Variants in UTP20 observed in about 807,000 individuals in gnomAD.
UTP20 encodes UTP20 small subunit processome component.
A neutral mutation model predicts 329.5 loss-of-function variants in UTP20; 164 were observed. The ratio of observed to expected loss-of-function variants is 0.50; its 90% CI spans 0.44 to 0.57. The LOEUF (loss-of-function observed/expected upper bound fraction) is 0.57, where lower values mean the gene tolerates loss of function less well. Among genes scored for constraint, UTP20 ranks in the 20% least tolerant of loss-of-function variants. The probability of loss-of-function intolerance (pLI) is 0.00; values close to 1 mark genes in which losing one functional copy is unlikely to be tolerated. For synonymous variants in UTP20, 1,151 were observed against 1,159.3 expected (o/e 0.99, Z 0.14); for missense variants, 3,055 against 3,284.2 (o/e 0.93, Z 1.71).
intron 41 of UTP20, among the ~76,000 whole-genome samples, chr12:101,355,895 GT>G (rs1869702905): frequency 6.6e-6 from 1 of 151,990 alleles, no homozygotes; most frequent in South Asian, 2.1e-4. Context: ...ACAGTTGACA[GT>G]TCCCACCGAC....
At chr12:101,371,563 ACT>A (rs1870291949) in intron 51 of UTP20, among the ~76,000 whole-genome samples, 1 of 114,792 alleles carries the variant, frequency 8.7e-6, no homozygotes, top group African/African-American at 3.6e-5. Flanking sequence ...ACGGAGTCTC[ACT>A]CTGTCACCAG....
intron 8 of UTP20, 43 bp downstream of exon 8, chr12:101,290,931 A>C (rs374060315): frequency 1.3e-5 from 20 of 1,577,510 alleles, no homozygotes; most frequent in Non-Finnish European, 1.7e-5. Context: ...TAAGGAGTCT[A>C]AGAATTTACT....
In UTP20 at chr12:101,356,688, G is replaced by C; in HGVS notation, c.5529G>C (p.Leu1843=). ...CACAAGAAGTTATGGAAGCTAATCT[G>C]CCAAGGTATGTTTTTTAACAAATTA... ...SLPQEVMEAN[L]PSILLKVCAL... The change falls in exon 42 of 62, where the codon CTG becomes CTC. Residue 1843 remains leucine, a synonymous_variant. Transcript: ENST00000261637. The C allele has an allele frequency of 1.2e-6, 2 of 1,605,374 alleles. No individual in the cohort carries two copies. Among genetic ancestry groups the C allele is most frequent in the Non-Finnish European group, 1.7e-6 (2 of 1,177,944 alleles).
rs111400774 is a variant in UTP20 at position 101,383,044 on chromosome 12, G to T, written c.7660G>T (p.Val2554Phe). ...CCCACCCCGTTTTTTTTTAAAGGTT[G>T]TTAAGAATTTGTTGTTCGCAGCCAA... Reference protein sequence around the residue: ...FLDQSLGEQVVKNLLFAAKVL... With the variant: ...FLDQSLGEQVFKNLLFAAKVL... Residue 2554 changes from valine (V) to phenylalanine (F), a missense_variant, in exon 59 of 62, where the codon GTT (valine) becomes TTT (phenylalanine). Transcript: ENST00000261637. The T allele has an allele frequency of 6.3e-7, 1 of 1,587,502 alleles. No homozygotes were observed. The highest frequency in any genetic ancestry group is 1.9e-5 in the Admixed American group (1 of 53,366).
intron 17 of UTP20, 33 bp from the exon 18 acceptor site, chr12:101,308,152 T>C (rs7975348): frequency 0.47 from 695,287 of 1,463,926 alleles, 178,570 homozygotes; most frequent in East Asian, 0.95. Flanking sequence ...AAATACTGAC[T>C]GGTCTTCTCC....
chr12:101,328,868 CA>C (rs34117186), intron 26 of UTP20, among the ~76,000 whole-genome samples: 42,502 of 106,048 alleles, frequency 0.4, 6,059 homozygotes, highest in Middle Eastern at 0.56. Context: ...GACTCTGTCT[CA>C]AAAAAAAAAA....
At position 101,369,730 on chromosome 12, in the gene UTP20, G is replaced by A. The variant is rs1163282535; in HGVS notation, c.6394G>A (p.Gly2132Ser). The A allele has an allele frequency of 8.3e-6, 13 of 1,558,648 alleles. No homozygotes were observed. Among genetic ancestry groups the A allele is most frequent in the Non-Finnish European group, 1.2e-5 (13 of 1,130,244 alleles). The change falls in exon 49 of 62, where the codon GGT (glycine) becomes AGT (serine). Residue 2132 changes from glycine (G) to serine (S), a missense_variant. Around this residue, in one of 3 missense-constraint regions of UTP20, gnomAD observed 2,445 missense variants for 2,575.5 expected, o/e 0.95. Coordinates refer to ENST00000261637, the MANE Select transcript of UTP20 (RefSeq NM_014503.3). ...GTTTTGTTTTTTTCAGGTGATCACA[G>A]GTGCTTTACAGTGCCTCATCTGGGT... ...LGSMDVKVIT[G>S]ALQCLIWVLR...
chr12:101,329,566 C>A, intron 27 of UTP20, 117 bp downstream of exon 27: 1 of 1,001,304 alleles, frequency 1.0e-6, no homozygotes, highest in Non-Finnish European at 1.4e-6. Context: ...AGTTTGATCC[C>A]AGAACAAAGC....
In UTP20 at chr12:101,379,399, A is replaced by G. The variant is rs1870573336; in HGVS notation, c.7425A>G (p.Pro2475=). ...ATGTGCATTCTCACCTGAGACATCC[A>G]CACAACTGGGTGTGGCTCACAGCAG... ...WSHVHSHLRH[P]HNWVWLTAAQ... The change falls in exon 57 of 62, where the codon CCA becomes CCG. Residue 2475 remains proline, a synonymous_variant. Coordinates refer to ENST00000261637, the MANE Select transcript of UTP20 (RefSeq NM_014503.3). 2.5e-6 allele frequency: 4 copies of G among 1,612,766 alleles called. No homozygotes were observed. The African/African-American group carries it at 4.0e-5, about 16-fold the overall frequency.
rs1282128432 is a variant in UTP20 at position 101,280,330 on chromosome 12, G to A, written c.45+3G>A. 6.4e-7 allele frequency: 1 copy of A among 1,551,742 alleles called. No homozygotes were observed. Among genetic ancestry groups the A allele is most frequent in the East Asian group, 2.4e-5 (1 of 40,922 alleles). On this transcript the variant is annotated splice_donor_region_variant and intron_variant, in intron 1 of 61. Transcript: ENST00000261637. Reference sequence around the variant, plus strand: ...ACAAGACCGAGAACACCTACCGGGTGAGCGCGGGAGCTTAGGCAGGGAGCC... The same window carrying A: ...ACAAGACCGAGAACACCTACCGGGTAAGCGCGGGAGCTTAGGCAGGGAGCC...
chr12:101,289,093 T>G, intron 6 of UTP20, 52 bp downstream of exon 6: 6 of 1,520,032 alleles, frequency 3.9e-6, no homozygotes, highest in Non-Finnish European at 5.5e-6. Flanking sequence ...ATCTGATGAA[T>G]AGGCCAGGCG....
chr12:101,329,189 A>G, intron 26 of UTP20, 52 bp from the exon 27 acceptor site: 1 of 1,464,476 alleles, frequency 6.8e-7, no homozygotes, highest in Non-Finnish European at 9.5e-7. Flanking sequence ...TATAAATAGT[A>G]ACAAACTAAT....
chr12:101,308,319 T>G lies in UTP20; in HGVS notation c.2130T>G (p.Ala710=), dbSNP rs919524589. The G allele has an allele frequency of 6.4e-7, 1 of 1,566,732 alleles. No individual in the cohort carries two copies. The highest frequency in any genetic ancestry group is 1.8e-5 in the Admixed American group (1 of 55,100). ...TAAGACATGATGTGGTACAGACTGC[T>G]GTCCCTGATGGGCCGTTACAGGAGG... is the stretch of plus-strand genomic sequence containing the variant. ...RKLRHDVVQT[A]VPDGPLQEVP... is the part of the protein sequence containing the mutation. The change falls in exon 18 of 62, where the codon GCT becomes GCG. Residue 710 remains alanine, a synonymous_variant. Transcript: ENST00000261637.
At chr12:101,318,561 T>C (rs1873048660) in intron 22 of UTP20, among the ~76,000 whole-genome samples, 1 of 152,146 alleles carries the variant, frequency 6.6e-6, no homozygotes, top group Non-Finnish European at 1.5e-5. Flanking sequence ...CCAGGCGTGG[T>C]GGCTCACACC....
intron 8 of UTP20, 141 bp downstream of exon 8, chr12:101,291,029 C>A: frequency 1.2e-6 from 1 of 840,554 alleles, no homozygotes; most frequent in Non-Finnish European, 1.7e-6. Flanking sequence ...TTAAAATTTT[C>A]CTTCCCTCTG....
chr12:101,356,557 A>G lies in UTP20; in HGVS notation c.5398A>G (p.Lys1800Glu), dbSNP rs769612786. 6.2e-7 allele frequency: 1 copy of G among 1,609,544 alleles called. No homozygotes were observed. Among genetic ancestry groups the G allele is most frequent in the South Asian group, 1.1e-5 (1 of 89,822 alleles). Residue 1800 changes from lysine (K) to glutamate (E), a missense_variant, in exon 42 of 62, where the codon AAA (lysine) becomes GAA (glutamate). By Grantham distance (56) the Lys-to-Glu change is moderately conservative (BLOSUM62 1). Coordinates refer to ENST00000261637, the MANE Select transcript of UTP20 (RefSeq NM_014503.3). ...TTAACCTAAATTTTTCTTACAGACTAAAAGGGAAGAAGAACACAAGCTTGT... is the reference window on the plus strand; with the variant it reads ...TTAACCTAAATTTTTCTTACAGACTGAAAGGGAAGAAGAACACAAGCTTGT... ...RLHKCLASTT[K>E]REEEHKLVKS...
chr12:101,285,818 T>C lies in UTP20; in HGVS notation c.263T>C (p.Ile88Thr), dbSNP rs375167600. The change falls in exon 4 of 62, where the codon ATA becomes ACA. Residue 88 changes from isoleucine (I) to threonine (T), a missense_variant. Transcript: ENST00000261637. ...FNQLVYHQNE[I>T]VQSLKTHLQV... The stretch of plus-strand genomic sequence containing the variant: ...CAGTTGGTGTATCACCAAAACGAGA[T>C]AGTTCAGAGTTTGAAGACTCACCTG... 7.1e-4 allele frequency: 1,153 copies of C among 1,613,870 alleles called. 18 individuals carry two copies. In the South Asian group the frequency reaches 0.012, roughly 17 times the overall value.
chr12:101,371,084 C>G lies in UTP20; in HGVS notation c.6714C>G (p.Val2238=), dbSNP rs753043327. 6.2e-6 allele frequency: 10 copies of G among 1,613,920 alleles called. No individual in the cohort carries two copies. The highest frequency in any genetic ancestry group is 8.5e-6 in the Non-Finnish European group (10 of 1,179,948). The change falls in exon 51 of 62, where the codon GTC becomes GTG. Residue 2238 remains valine, a synonymous_variant. Coordinates refer to ENST00000261637, the MANE Select transcript of UTP20 (RefSeq NM_014503.3). ...CAATTTTATCAAGAAAGCTGTTGGT[C>G]CCAGAAATCGATGAGGTCATGCGGA... ...LKAILSRKLL[V]PEIDEVMRKV... is the part of the protein sequence containing the mutation.
At chr12:101,350,091 C>A (rs562678669) in intron 38 of UTP20, among the ~76,000 whole-genome samples, 4 of 151,920 alleles carry the variant, frequency 2.6e-5, no homozygotes, top group Non-Finnish European at 5.9e-5. Flanking sequence ...TCATATTTTT[C>A]TCTCACTTCT....
Sources: allele counts gnomAD v4.1 joint callset (sites outside exome capture counted in the v4.1 genomes callset), GRCh38; gene constraint gnomAD v4.1.1; regional missense constraint gnomAD v4.1.1; transcripts MANE v1.5; gene names NCBI Gene and HGNC (gene_info 2026-07-23, HGNC 2026-07-21).